The following LRRC37A2 variants were observed in gnomAD, a reference collection of about 807,000 sequenced individuals.
The protein encoded by LRRC37A2 is leucine rich repeat containing 37 member A2, also known as leucine-rich repeat-containing protein 37A2.
Under a neutral mutation model 68.8 loss-of-function variants are expected in LRRC37A2, and 9 were observed. That is an observed-to-expected ratio of 0.13 (90% CI 0.08 to 0.23). LRRC37A2 has a LOEUF of 0.23. LRRC37A2 is among the 10% of genes least tolerant of loss of function. The pLI is 1.00. For missense variants in LRRC37A2, 168 were observed against 950.4 expected (o/e 0.18, Z 10.82); for synonymous variants, 63 against 367.6 (o/e 0.17, Z 9.48).
At chr17:46,923,077 C>T in the LRRC37A2 span, 46 of 758,154 alleles carry the variant, frequency 6.1e-5, no homozygotes, top group Non-Finnish European at 9.9e-5. Context: ...TGCGGGCAGC[C>T]CTGGCCGGCA....
the LRRC37A2 span, among the ~76,000 whole-genome samples, chr17:46,895,802 T>C: frequency 3.9e-3 from 596 of 152,338 alleles, 3 homozygotes; most frequent in African/African-American, 0.014. Flanking sequence ...TCCAAGAATC[T>C]TGCCTTGTTT....
At chr17:46,897,480 A>G in the LRRC37A2 span, among the ~76,000 whole-genome samples, 1 of 151,980 alleles carries the variant, frequency 6.6e-6, no homozygotes, top group Non-Finnish European at 1.5e-5. Context: ...AGCTGCCATA[A>G]ACTAGAACTC....
chr17:46,710,668 TA>T, the LRRC37A2 span, among the ~76,000 whole-genome samples: 1 of 152,192 alleles, frequency 6.6e-6, no homozygotes. Flanking sequence ...TTGATAAAAA[TA>T]AGCACATTGG....
At chr17:46,497,389 C>A in the LRRC37A2 span, among the ~76,000 whole-genome samples, 1 of 147,934 alleles carries the variant, frequency 6.8e-6, no homozygotes. Context: ...CTTTTTTCTG[C>A]CTATTTTTGG....
At chr17:46,532,756 T>G (rs1469383462) in intron 6 of LRRC37A2, among the ~76,000 whole-genome samples, 2 of 147,400 alleles carry the variant, frequency 1.4e-5, no homozygotes, top group East Asian at 3.9e-4. Flanking sequence ...CCTTTTTATG[T>G]CTCTAAGAAC....
At chr17:46,768,987 C>A in the LRRC37A2 span, among the ~76,000 whole-genome samples, 1 of 152,206 alleles carries the variant, frequency 6.6e-6, no homozygotes, top group Non-Finnish European at 1.5e-5. The surrounding 1 kb of genome is among the most constrained non-coding windows in gnomAD (Gnocchi z 5.0). Flanking sequence ...CCCCTTCACA[C>A]CCCAAGCATG....
the LRRC37A2 span, among the ~76,000 whole-genome samples, chr17:46,989,882 T>G: frequency 6.6e-6 from 1 of 152,342 alleles, no homozygotes; most frequent in Non-Finnish European, 1.5e-5. Context: ...GAAACTATTT[T>G]GGGCACTCCT....
chr17:46,952,104 C>G, the LRRC37A2 span, among the ~76,000 whole-genome samples: 3 of 152,174 alleles, frequency 2.0e-5, no homozygotes, highest in Non-Finnish European at 4.4e-5. Flanking sequence ...CATTTTCTTT[C>G]TATTCCAGAA....
chr17:46,768,290 C>G, the LRRC37A2 span: 1 of 1,612,728 alleles, frequency 6.2e-7, no homozygotes, highest in Non-Finnish European at 8.5e-7. This position sits in a 1 kb window ranked among gnomAD's most constrained non-coding sequence, Gnocchi z 5.0. Context: ...CCCAGCCTCC[C>G]CCCTGCTTCC....
chr17:46,491,195 C>T, the LRRC37A2 span, among the ~76,000 whole-genome samples: 1 of 151,310 alleles, frequency 6.6e-6, no homozygotes, highest in South Asian at 2.1e-4. Context: ...CTGCACCTGG[C>T]ACATGTATAT....
the LRRC37A2 span, among the ~76,000 whole-genome samples, chr17:46,854,412 G>A: frequency 2.0e-5 from 3 of 151,964 alleles, no homozygotes; most frequent in East Asian, 1.9e-4. Context: ...AGGTGAGGCC[G>A]ATCTTCTTGG....
At chr17:46,918,368 G>A in the LRRC37A2 span, among the ~76,000 whole-genome samples, 3 of 152,124 alleles carry the variant, frequency 2.0e-5, no homozygotes, top group Admixed American at 6.5e-5. Flanking sequence ...GTGAACCGCC[G>A]CCCCCGGCCT....
At chr17:46,875,246 C>A in the LRRC37A2 span, 2 of 1,614,052 alleles carry the variant, frequency 1.2e-6, no homozygotes, top group Non-Finnish European at 1.7e-6. Context: ...GGCAGTGGGG[C>A]GTGTGCGGTG....
chr17:46,996,461 G>A, the LRRC37A2 span, among the ~76,000 whole-genome samples: 1 of 152,242 alleles, frequency 6.6e-6, no homozygotes, highest in Non-Finnish European at 1.5e-5. Flanking sequence ...TCCAAGTCTG[G>A]ATGAGTCACT....
the LRRC37A2 span, chr17:46,930,827 G>T: frequency 2.5e-6 from 1 of 392,718 alleles, no homozygotes; most frequent in Non-Finnish European, 4.6e-6. Flanking sequence ...TTTTCTAAAG[G>T]TAGGAAATTT....
chr17:46,843,025 G>T, the LRRC37A2 span, among the ~76,000 whole-genome samples: 2 of 152,348 alleles, frequency 1.3e-5, no homozygotes, highest in South Asian at 4.1e-4. Flanking sequence ...TTATCCTGTT[G>T]TTGCTAGTGA....
the LRRC37A2 span, among the ~76,000 whole-genome samples, chr17:46,849,950 C>T: frequency 4.0e-5 from 6 of 151,654 alleles, no homozygotes; most frequent in African/African-American, 9.7e-5. Context: ...CAGGTTCAAG[C>T]GATTCTCTTG....
At chr17:47,021,550 G>C in the LRRC37A2 span, 1 of 450,096 alleles carries the variant, frequency 2.2e-6, no homozygotes, top group South Asian at 2.3e-5. Context: ...AGTCTGTTTA[G>C]ACACATAAGT....
the LRRC37A2 span, among the ~76,000 whole-genome samples, chr17:46,860,007 A>G: frequency 6.6e-6 from 1 of 152,216 alleles, no homozygotes; most frequent in Admixed American, 6.5e-5. Context: ...GGCCTGAGAA[A>G]AACATAGTTG....
Sources: allele counts gnomAD v4.1 joint callset (sites outside exome capture counted in the v4.1 genomes callset), GRCh38; gene constraint gnomAD v4.1.1; non-coding constraint Gnocchi (gnomAD v3.1); transcripts MANE v1.5; gene names NCBI Gene and HGNC (gene_info 2026-07-23, HGNC 2026-07-21).